Variants in GRM7 observed in about 807,000 individuals in gnomAD.
GRM7 encodes the protein metabotropic glutamate receptor 7.
GRM7 carries 35 observed loss-of-function variants against 84.5 expected under a neutral mutation model. The ratio of observed to expected loss-of-function variants is 0.41; its 90% CI spans 0.32 to 0.55. GRM7 has a LOEUF of 0.55. GRM7 is among the 20% of genes least tolerant of loss of function. The pLI, the probability that GRM7 is intolerant of heterozygous loss-of-function variation, is 0.19. For synonymous variants in GRM7, 487 were observed against 455.1 expected (o/e 1.07, Z -0.89); for missense variants, 1,003 against 1,194.6 (o/e 0.84, Z 2.36).
chr3:7,140,729 T>G (rs2125062126), intron 1 of GRM7, among the ~76,000 whole-genome samples: 1 of 152,094 alleles, frequency 6.6e-6, no homozygotes, highest in East Asian at 1.9e-4. Flanking sequence ...GGAAGTACGG[T>G]TCTGTGTCTC....
intron 1 of GRM7, among the ~76,000 whole-genome samples, chr3:7,017,618 C>A (rs991500553): frequency 1.3e-5 from 2 of 152,176 alleles, no homozygotes; most frequent in African/African-American, 4.8e-5. Flanking sequence ...TGGTGATTCT[C>A]CACCTGCTGT....
At chr3:7,267,014 A>C (rs996626646) in intron 2 of GRM7, among the ~76,000 whole-genome samples, 1 of 152,220 alleles carries the variant, frequency 6.6e-6, no homozygotes, top group African/African-American at 2.4e-5. Context: ...TTACAAAGTA[A>C]AGATAATTGC....
At chr3:7,114,279 T>C (rs1033232865) in intron 1 of GRM7, among the ~76,000 whole-genome samples, 1 of 152,160 alleles carries the variant, frequency 6.6e-6, no homozygotes, top group East Asian at 1.9e-4. Flanking sequence ...ATGAGGTTAT[T>C]ACACAAATGC....
intron 7 of GRM7, among the ~76,000 whole-genome samples, chr3:7,477,685 C>T (rs908302208): frequency 6.6e-6 from 1 of 152,088 alleles, no homozygotes; most frequent in Admixed American, 6.6e-5. Context: ...AGAAACATCA[C>T]CATATGTTTC....
rs150921219 is a variant in GRM7 at position 6,880,176 on chromosome 3, T to C, written c.519+18269T>C. 4.7e-4 allele frequency among the ~76,000 whole-genome samples: 72 copies of C among 152,216 alleles called. No homozygotes were observed. In the East Asian group the frequency reaches 0.014, roughly 29 times the overall value. On this transcript the variant is annotated intron_variant, in intron 1 of 9. Transcript: ENST00000357716. ...GAGAATGGGTAATTAATCAGATGGC[T>C]CACAGAGTCTGCACAGACTTCATTC... is the stretch of plus-strand genomic sequence containing the variant.
At chr3:7,038,015 TAATA>T (rs1280917242) in intron 1 of GRM7, among the ~76,000 whole-genome samples, 13 of 152,166 alleles carry the variant, frequency 8.5e-5, no homozygotes, top group Non-Finnish European at 1.9e-4. Context: ...TGATGAATTA[TAATA>T]AATAGCATCA....
intron 2 of GRM7, among the ~76,000 whole-genome samples, chr3:7,262,115 T>G (rs1698452930): frequency 6.6e-6 from 1 of 151,808 alleles, no homozygotes; most frequent in Non-Finnish European, 1.5e-5. Context: ...TTTTTTTCAT[T>G]TTGACCTTAG....
At chr3:7,369,569 A>G (rs963821626) in intron 4 of GRM7, among the ~76,000 whole-genome samples, 1 of 152,160 alleles carries the variant, frequency 6.6e-6, no homozygotes, top group South Asian at 2.1e-4. Context: ...GAGTTCTATT[A>G]TGAAAGAAGG....
intron 4 of GRM7, among the ~76,000 whole-genome samples, chr3:7,393,422 A>C (rs1383199026): frequency 1.3e-5 from 2 of 152,094 alleles, no homozygotes; most frequent in Admixed American, 6.6e-5. Context: ...CCCATGTCAG[A>C]GCTCTGGATG....
chr3:7,071,580 C>T (rs1056220955), intron 1 of GRM7, among the ~76,000 whole-genome samples: 3 of 151,918 alleles, frequency 2.0e-5, no homozygotes, highest in African/African-American at 4.8e-5. Context: ...CAGCTACTGT[C>T]CCCCAAACTG....
At chr3:7,626,757 A>G (rs1697633994) in intron 8 of GRM7, among the ~76,000 whole-genome samples, 1 of 152,170 alleles carries the variant, frequency 6.6e-6, no homozygotes. Context: ...CAATGGCCCT[A>G]TTTATAAATA....
At chr3:6,867,446 A>G (rs1488205103) in intron 1 of GRM7, among the ~76,000 whole-genome samples, 1 of 152,194 alleles carries the variant, frequency 6.6e-6, no homozygotes, top group South Asian at 2.1e-4. Flanking sequence ...TGTAAACTGC[A>G]GGATGTATAG....
intron 8 of GRM7, among the ~76,000 whole-genome samples, chr3:7,664,409 C>T (rs1035440381): frequency 5.9e-5 from 9 of 152,150 alleles, no homozygotes; most frequent in South Asian, 2.1e-4. Flanking sequence ...TTCTTTATGT[C>T]GGTAAAGGGG....
chr3:6,949,918 A>T (rs1692658862), intron 1 of GRM7, among the ~76,000 whole-genome samples: 1 of 151,892 alleles, frequency 6.6e-6, no homozygotes, highest in African/African-American at 2.4e-5. Context: ...AGTTCCTTTA[A>T]CGACTTCTCT....
intron 2 of GRM7, among the ~76,000 whole-genome samples, chr3:7,226,554 T>C (rs942922128): frequency 6.6e-6 from 1 of 152,194 alleles, no homozygotes; most frequent in Non-Finnish European, 1.5e-5. Context: ...TGACATCACA[T>C]TAACTTTGCC....
chr3:7,669,154 G>T (rs2324209), intron 8 of GRM7, among the ~76,000 whole-genome samples: 1 of 152,080 alleles, frequency 6.6e-6, no homozygotes, highest in African/African-American at 2.4e-5. Flanking sequence ...GTCTAGCAAG[G>T]GGACACGTAT....
At chr3:7,609,011 G>A (rs1272436246) in intron 8 of GRM7, among the ~76,000 whole-genome samples, 1 of 152,122 alleles carries the variant, frequency 6.6e-6, no homozygotes, top group Non-Finnish European at 1.5e-5. Context: ...CTTTGTCAAA[G>A]ATTAGATGGT....
At chr3:6,943,434 C>T (rs1290813603) in intron 1 of GRM7, among the ~76,000 whole-genome samples, 4 of 151,926 alleles carry the variant, frequency 2.6e-5, no homozygotes, top group African/African-American at 7.2e-5. Flanking sequence ...CCAATTATTT[C>T]AGCACCAACA....
intron 1 of GRM7, among the ~76,000 whole-genome samples, chr3:7,053,727 T>A (rs1697098991): frequency 6.6e-6 from 1 of 151,672 alleles, no homozygotes; most frequent in Non-Finnish European, 1.5e-5. Flanking sequence ...GATCTATATG[T>A]CTGTTTCTAC....
Sources: allele counts gnomAD v4.1 joint callset (sites outside exome capture counted in the v4.1 genomes callset), GRCh38; gene constraint gnomAD v4.1.1; transcripts MANE v1.5; gene names NCBI Gene and HGNC (gene_info 2026-07-23, HGNC 2026-07-21).